Variants in MIPOL1 observed in about 807,000 individuals in gnomAD.
MIPOL1 encodes mirror-image polydactyly 1, also known as mirror-image polydactyly gene 1 protein.
Under a neutral mutation model 60.9 loss-of-function variants are expected in MIPOL1, and 57 were observed. The observed-to-expected ratio is 0.94, with a 90% confidence interval of 0.76 to 1.17. The LOEUF (loss-of-function observed/expected upper bound fraction) is 1.17, where lower values mean the gene tolerates loss of function less well. Among genes scored for constraint, MIPOL1 ranks in the 50% most tolerant of loss-of-function variants. The probability of loss-of-function intolerance (pLI) is 0.00; values close to 1 mark genes in which losing one functional copy is unlikely to be tolerated. For synonymous variants in MIPOL1, 179 were observed against 168.8 expected, an observed-to-expected ratio of 1.06 and a Z score of -0.47; for missense variants, 551 against 511.6, an observed-to-expected ratio of 1.08 and a Z score of -0.74.
rs774114741 is a variant in MIPOL1, at chr14:37,308,357, G to GGAATTA, written c.667_672dup (p.Glu223_Leu224dup). ...TATAATGGTGTTGGTAGACATTACA[G>GGAATTA]GAATTACTGAACAGAATAAACAATG... On this transcript the variant is annotated inframe_insertion, in exon 9 of 13. Coordinates refer to ENST00000684589, the MANE Select transcript of MIPOL1 (RefSeq NM_001388067.1). 1 of 1,548,864 alleles carries GGAATTA rather than the reference G, an allele frequency of 6.5e-7. No homozygotes were observed. Among genetic ancestry groups the GGAATTA allele is most frequent in the South Asian group, 1.3e-5 (1 of 77,584 alleles).
chr14:37,445,010 T>A (rs1407729049), intron 11 of MIPOL1, among the ~76,000 whole-genome samples: 1 of 152,132 alleles, frequency 6.6e-6, no homozygotes, highest in Non-Finnish European at 1.5e-5. Flanking sequence ...CTTTGAAAAC[T>A]GGCACAAGAC....
intron 10 of MIPOL1, 98 bp downstream of exon 10, chr14:37,369,722 G>A: frequency 1.3e-6 from 1 of 767,910 alleles, no homozygotes; most frequent in Non-Finnish European, 2.1e-6. Flanking sequence ...TTCAGCAGAA[G>A]TGAGCTGTGG....
At chr14:37,447,278 CTG>C (rs2094352056) in intron 11 of MIPOL1, among the ~76,000 whole-genome samples, 1 of 152,054 alleles carries the variant, frequency 6.6e-6, no homozygotes, top group Admixed American at 6.6e-5. Flanking sequence ...ATTACCATGA[CTG>C]TTGCTTTTTC....
chr14:37,481,499 T>A (rs1012295883), intron 11 of MIPOL1, among the ~76,000 whole-genome samples: 5 of 150,316 alleles, frequency 3.3e-5, no homozygotes, highest in African/African-American at 1.2e-4. Flanking sequence ...TTATCAGAAT[T>A]CTAATGTCAT....
chr14:37,311,434 A>G (rs376699369), intron 9 of MIPOL1, among the ~76,000 whole-genome samples: 1 of 152,172 alleles, frequency 6.6e-6, no homozygotes, highest in Non-Finnish European at 1.5e-5. Flanking sequence ...TTTGCTGACA[A>G]GTTGTTATGT....
intron 10 of MIPOL1, among the ~76,000 whole-genome samples, chr14:37,417,516 G>C (rs1173422881): frequency 2.0e-5 from 3 of 152,166 alleles, no homozygotes; most frequent in African/African-American, 7.2e-5. Context: ...CTGTGAAGTG[G>C]AGGTTTAATT....
At chr14:37,413,207 T>A (rs2093707504) in intron 10 of MIPOL1, among the ~76,000 whole-genome samples, 1 of 152,096 alleles carries the variant, frequency 6.6e-6, no homozygotes, top group Non-Finnish European at 1.5e-5. Flanking sequence ...GAGCTCATAG[T>A]TTAAAAAGGA....
chr14:37,393,685 ATTTAC>A (rs937335314), intron 10 of MIPOL1, among the ~76,000 whole-genome samples: 14 of 150,960 alleles, frequency 9.3e-5, no homozygotes, highest in Non-Finnish European at 1.8e-4. Flanking sequence ...TTATTTATTT[ATTTAC>A]TTATTTATTT....
chr14:37,268,651 A>T lies in MIPOL1; in HGVS notation c.252-7A>T, dbSNP rs1465303679. 5 of 1,568,466 alleles carry T rather than the reference A, an allele frequency of 3.2e-6. No homozygotes were observed. Among genetic ancestry groups the T allele is most frequent in the Non-Finnish European group, 3.4e-6 (4 of 1,161,654 alleles). On this transcript the variant is annotated splice_polypyrimidine_tract_variant and splice_region_variant and intron_variant, in intron 4 of 12. Transcript: ENST00000684589. ...CTCTGAAATGTTAATCAGTTTCTTT[A>T]TTACAGCGTTATGGAACATAGACAT...
At chr14:37,262,478 G>A (rs544969266) in intron 3 of MIPOL1, among the ~76,000 whole-genome samples, 29 of 152,146 alleles carry the variant, frequency 1.9e-4, no homozygotes, top group Non-Finnish European at 3.7e-4. Context: ...AAGGAAAGAA[G>A]CATTAAAGCA....
intron 9 of MIPOL1, among the ~76,000 whole-genome samples, chr14:37,319,317 T>C (rs941835629): frequency 6.6e-6 from 1 of 152,156 alleles, no homozygotes; most frequent in East Asian, 1.9e-4. Flanking sequence ...TAAAAATAAA[T>C]ATATATTTCT....
At chr14:37,202,944 A>C (rs1480032796) in intron 1 of MIPOL1, among the ~76,000 whole-genome samples, 2 of 152,152 alleles carry the variant, frequency 1.3e-5, no homozygotes, top group East Asian at 3.9e-4. Flanking sequence ...TTGCTTTTAT[A>C]ATTTATTTCC....
intron 1 of MIPOL1, chr14:37,227,760 G>A (rs761354927): frequency 6.6e-6 from 1 of 152,106 alleles, no homozygotes; most frequent in Non-Finnish European, 1.5e-5. Flanking sequence ...CTTCTATCTT[G>A]TGATGCCACC....
intron 3 of MIPOL1, among the ~76,000 whole-genome samples, chr14:37,254,637 G>C (rs1349488949): frequency 1.3e-5 from 2 of 151,636 alleles, no homozygotes; most frequent in Non-Finnish European, 3.0e-5. Flanking sequence ...ATTCTTAGTA[G>C]GGGGAAAATT....
intron 6 of MIPOL1, among the ~76,000 whole-genome samples, chr14:37,280,690 A>G (rs928967478): frequency 5.3e-5 from 8 of 151,872 alleles, no homozygotes; most frequent in African/African-American, 1.9e-4. Context: ...ACTGAGCCTC[A>G]CTCTGTCGCC....
intron 1 of MIPOL1, among the ~76,000 whole-genome samples, chr14:37,230,056 G>A (rs941745593): frequency 1.3e-5 from 2 of 152,084 alleles, no homozygotes; most frequent in African/African-American, 2.4e-5. Context: ...ATTGCTAAGA[G>A]AGTAGATTTT....
chr14:37,540,242 A>T (rs2095524330), intron 12 of MIPOL1, among the ~76,000 whole-genome samples: 1 of 152,018 alleles, frequency 6.6e-6, no homozygotes, highest in South Asian at 2.1e-4. Context: ...CCATTTTCCC[A>T]TCTACTTCTA....
intron 3 of MIPOL1, 109 bp downstream of exon 3, chr14:37,248,016 G>A: frequency 9.8e-7 from 1 of 1,022,026 alleles, no homozygotes; most frequent in South Asian, 1.5e-5. Context: ...GTAGACAAGT[G>A]CGCACACACA....
chr14:37,524,355 G>A (rs991917880), intron 12 of MIPOL1, among the ~76,000 whole-genome samples: 1 of 152,110 alleles, frequency 6.6e-6, no homozygotes, highest in Non-Finnish European at 1.5e-5. Context: ...TTTCTGGAAA[G>A]ATACAGGGTG....
Sources: allele counts gnomAD v4.1 joint callset (sites outside exome capture counted in the v4.1 genomes callset), GRCh38; gene constraint gnomAD v4.1.1; transcripts MANE v1.5; gene names NCBI Gene and HGNC (gene_info 2026-07-23, HGNC 2026-07-21).